The following TRIO variants were observed in gnomAD, a reference collection of about 807,000 sequenced individuals.
TRIO encodes triple functional domain protein.
Under a neutral mutation model 351.9 loss-of-function variants are expected in TRIO, and 58 were observed. That is an observed-to-expected ratio of 0.16 (90% confidence interval 0.13 to 0.21). TRIO has a LOEUF of 0.21. Ranked by LOEUF, TRIO falls within the 10% of genes least tolerant of loss-of-function variation. The pLI, the probability that TRIO is intolerant of heterozygous loss-of-function variation, is 1.00. For synonymous variants in TRIO, 1,758 were observed against 1,595.7 expected, an observed-to-expected ratio of 1.10 and a Z score of -2.42; for missense variants, 3,201 against 4,027.8, an observed-to-expected ratio of 0.79 and a Z score of 5.56.
intron 40 of TRIO, among the ~76,000 whole-genome samples, 168 bp from the exon 41 acceptor site, chr5:14,476,726 G>A (rs780107693): frequency 2.6e-5 from 4 of 151,868 alleles, no homozygotes; most frequent in Admixed American, 6.6e-5. Flanking sequence ...CCCAGGAGGC[G>A]GAGGTTGCAG....
At chr5:14,280,179 G>C in intron 2 of TRIO, 143 bp from the exon 3 acceptor site, 1 of 702,296 alleles carries the variant, frequency 1.4e-6, no homozygotes, top group Non-Finnish European at 2.5e-6. Context: ...TGTCCTCACT[G>C]TGCCTCAGCT....
At chr5:14,454,965 T>G (rs968494291) in intron 34 of TRIO, among the ~76,000 whole-genome samples, 1 of 151,974 alleles carries the variant, frequency 6.6e-6, no homozygotes, top group Non-Finnish European at 1.5e-5. Flanking sequence ...TTACAGCGCT[T>G]AAGGTGGCAC....
intron 9 of TRIO, among the ~76,000 whole-genome samples, chr5:14,324,049 G>T (rs1740144053): frequency 6.6e-6 from 1 of 152,148 alleles, no homozygotes; most frequent in Non-Finnish European, 1.5e-5. Flanking sequence ...AGTCCAGAAA[G>T]CTCAGAATGT....
At chr5:14,413,355 A>G (rs1749359034) in intron 33 of TRIO, among the ~76,000 whole-genome samples, 2 of 152,306 alleles carry the variant, frequency 1.3e-5, no homozygotes, top group South Asian at 2.1e-4. Context: ...CTTTCATCCT[A>G]GCTGCATGCG....
rs367930652 is a variant in TRIO at position 14,388,561 on chromosome 5, G to A, written c.3882-52G>A. 6.5e-6 allele frequency: 10 copies of A among 1,528,604 alleles called. No individual in the cohort carries two copies. The African/African-American group carries it at 8.4e-5, about 13-fold the overall frequency. 94.7% of individuals were successfully genotyped at this position (1,528,604 alleles called of 1,614,324 possible). A position where few individuals can be genotyped will look rare whatever the true frequency, so the allele number is the denominator to read the frequency against. ...TTTCATAAATCCATAAAAGTAGATA[G>A]TGAAGTAAGCTGCACCCTGACTGTA... On this transcript the variant is annotated intron_variant, in intron 23 of 56. Transcript: ENST00000344204.
intron 8 of TRIO, among the ~76,000 whole-genome samples, chr5:14,312,294 A>G (rs773010046): frequency 3.9e-5 from 6 of 152,242 alleles, no homozygotes; most frequent in Non-Finnish European, 8.8e-5. Flanking sequence ...TACATTTTAA[A>G]TAGTTATACT....
Position 14,448,330 on chromosome 5 carries a change from C to T in TRIO, c.5204-12689C>T, listed in dbSNP as rs906487118. On this transcript the variant is annotated intron_variant, in intron 34 of 56. Transcript: ENST00000344204. ...CAGAGTGCCGCAGCAGGCTGTCGCT[C>T]CTTGCCTGCCTGGGGCGGGGGCTGG... is the stretch of plus-strand genomic sequence containing the variant. Among the ~76,000 whole-genome samples the T allele has an allele frequency of 1.4e-4, 21 of 152,226 alleles. 1 individual carries two copies. The highest frequency in any genetic ancestry group is 7.9e-4 in the Admixed American group (12 of 15,284).
intron 1 of TRIO, chr5:14,183,811 A>G: frequency 3.2e-6 from 2 of 623,152 alleles, no homozygotes; most frequent in Admixed American, 4.3e-5. Context: ...TGGGATATCT[A>G]GAGGTTGTTT....
At chr5:14,498,786 A>C (rs1757077029) in intron 53 of TRIO, 146 bp downstream of exon 53, 1 of 1,279,234 alleles carries the variant, frequency 7.8e-7, no homozygotes, top group South Asian at 1.4e-5. Flanking sequence ...AGACAGTTGT[A>C]AGTAGCAGAC....
chr5:14,455,871 G>T (rs927018582), intron 34 of TRIO, among the ~76,000 whole-genome samples: 1 of 152,264 alleles, frequency 6.6e-6, no homozygotes, highest in African/African-American at 2.4e-5. Context: ...GGAGCTGCCC[G>T]CCAGTCCCGC....
intron 7 of TRIO, among the ~76,000 whole-genome samples, chr5:14,302,240 T>C (rs1737965878): frequency 6.6e-6 from 1 of 152,358 alleles, no homozygotes; most frequent in African/African-American, 2.4e-5. Context: ...TGAAGTATTA[T>C]ATAACTGAAA....
chr5:14,291,376 C>A, intron 5 of TRIO, 148 bp downstream of exon 5: 1 of 898,806 alleles, frequency 1.1e-6, no homozygotes. Flanking sequence ...TCAGAAATGG[C>A]ACTGAAATCT....
intron 1 of TRIO, among the ~76,000 whole-genome samples, chr5:14,253,812 A>G (rs1327954204): frequency 6.6e-6 from 1 of 152,162 alleles, no homozygotes; most frequent in Non-Finnish European, 1.5e-5. Flanking sequence ...TCTCACTCTC[A>G]TTCTCTCCAA....
intron 48 of TRIO, among the ~76,000 whole-genome samples, chr5:14,492,205 T>C (rs762181741): frequency 2.0e-5 from 3 of 152,204 alleles, no homozygotes; most frequent in Non-Finnish European, 2.9e-5. Context: ...TTCACAGTGA[T>C]GTGGCTATGT....
At chr5:14,490,957 C>A (rs1371590019) in intron 48 of TRIO, 1 of 412,058 alleles carries the variant, frequency 2.4e-6, no homozygotes, top group East Asian at 7.1e-5. Context: ...CCAAAGCCTT[C>A]CCTGTACAGC....
chr5:14,459,456 G>T (rs867585226), intron 34 of TRIO, among the ~76,000 whole-genome samples: 7 of 152,228 alleles, frequency 4.6e-5, no homozygotes, highest in South Asian at 2.1e-4. Flanking sequence ...TGGAGCCCCT[G>T]AGCCAAGAGC....
chr5:14,438,388 A>T lies in TRIO; in HGVS notation c.5203+18367A>T, dbSNP rs546677074. 1.2e-3 allele frequency among the ~76,000 whole-genome samples: 189 copies of T among 152,252 alleles called. 1 individual carries two copies. Among genetic ancestry groups the T allele is most frequent in the Middle Eastern group, 3.4e-3 (1 of 294 alleles). ...TTCAGCAGATCAAATGAGGTTTAAG[A>T]CTCAAAGCTTTAACCTCATTGTCCC... On this transcript the variant is annotated intron_variant, in intron 34 of 56. Transcript: ENST00000344204.
chr5:14,177,927 G>A (rs1046380070), intron 1 of TRIO, among the ~76,000 whole-genome samples: 4 of 152,182 alleles, frequency 2.6e-5, no homozygotes, highest in African/African-American at 9.7e-5. Flanking sequence ...CTAATGCACT[G>A]CAAGTATTTT....
chr5:14,220,818 C>T (rs1206943333), intron 1 of TRIO, among the ~76,000 whole-genome samples: 1 of 152,196 alleles, frequency 6.6e-6, no homozygotes, highest in Non-Finnish European at 1.5e-5. Context: ...GGAAGGAAGC[C>T]ATCTCCATAA....
Sources: gnomAD v4.1 joint callset for allele counts (sites outside exome capture counted in the v4.1 genomes callset) on GRCh38, gnomAD v4.1.1 for gene constraint, MANE v1.5 for transcripts, NCBI Gene and HGNC (gene_info 2026-07-23, HGNC 2026-07-21) for gene names.